The following CDH18 variants were observed in gnomAD, a reference collection of about 807,000 sequenced individuals.
CDH18 encodes cadherin-18.
A neutral mutation model predicts 67.9 loss-of-function variants in CDH18; 31 were observed. That is an observed-to-expected ratio of 0.46 (90% CI 0.34 to 0.62). The LOEUF (loss-of-function observed/expected upper bound fraction) is 0.62, where lower values mean the gene tolerates loss of function less well. Ranked by LOEUF, CDH18 falls within the 20% of genes least tolerant of loss-of-function variation. The pLI is 0.01. For missense variants in CDH18, 890 were observed against 975.5 expected (o/e 0.91, Z 1.17); for synonymous variants, 362 against 347.2 (o/e 1.04, Z -0.48).
intron 2 of CDH18, among the ~76,000 whole-genome samples, chr5:20,216,175 A>C (rs931438656): frequency 1.3e-5 from 2 of 151,968 alleles, no homozygotes; most frequent in Admixed American, 6.6e-5. Flanking sequence ...ATAAATGATC[A>C]AAGATCATTA....
intron 5 of CDH18, among the ~76,000 whole-genome samples, chr5:19,714,799 A>G (rs1359577026): frequency 6.6e-6 from 1 of 152,004 alleles, no homozygotes; most frequent in Non-Finnish European, 1.5e-5. Flanking sequence ...TTGTCATTAT[A>G]CTTTATTTTG....
chr5:19,667,415 A>T (rs1758112116), intron 5 of CDH18, among the ~76,000 whole-genome samples: 1 of 150,600 alleles, frequency 6.6e-6, no homozygotes, highest in Non-Finnish European at 1.5e-5. Context: ...TTCTCCTTAA[A>T]ACTATAAAAA....
At chr5:20,135,480 T>C (rs1749627041) in intron 2 of CDH18, among the ~76,000 whole-genome samples, 1 of 152,184 alleles carries the variant, frequency 6.6e-6, no homozygotes, top group Non-Finnish European at 1.5e-5. Context: ...TTCTTCTCCT[T>C]TTTCTTCTTT....
rs114575811 is a variant in CDH18 at position 20,561,367 on chromosome 5, T to C, written c.-580+14095A>G. 9.3e-3 allele frequency among the ~76,000 whole-genome samples: 1,416 copies of C among 152,178 alleles called. 21 individuals are homozygous for C. Among genetic ancestry groups the C allele is most frequent in the African/African-American group, 0.032 (1,326 of 41,530 alleles). On this transcript the variant is annotated intron_variant, in intron 1 of 14. Transcript: ENST00000507958. ...TGTAAGTAAGCAAGATATCCTTCAA[T>C]AATTGAGTGGAAAAATAAGTTGTGC...
chr5:20,172,945 G>A (rs574203867), intron 2 of CDH18, among the ~76,000 whole-genome samples: 18 of 150,572 alleles, frequency 1.2e-4, no homozygotes, highest in African/African-American at 4.2e-4. Context: ...AGCCGAGATC[G>A]CACCATTTCA....
chr5:19,632,871 C>T (rs1752607208), intron 5 of CDH18, among the ~76,000 whole-genome samples: 1 of 152,116 alleles, frequency 6.6e-6, no homozygotes, highest in Non-Finnish European at 1.5e-5. Flanking sequence ...GCTTCCTCTT[C>T]CACTGAAGCA....
chr5:20,056,040 C>T (rs893736763), intron 2 of CDH18, among the ~76,000 whole-genome samples: 3 of 128,782 alleles, frequency 2.3e-5, no homozygotes, highest in African/African-American at 6.0e-5. Context: ...AGTCTCACTC[C>T]GTTACCCAGG....
chr5:19,889,735 A>G (rs1788586675), intron 2 of CDH18, among the ~76,000 whole-genome samples: 1 of 152,154 alleles, frequency 6.6e-6, no homozygotes, highest in Non-Finnish European at 1.5e-5. Flanking sequence ...AATTTATATT[A>G]ATTTTTAAAA....
At chr5:20,290,565 A>G (rs1747029680) in intron 1 of CDH18, among the ~76,000 whole-genome samples, 1 of 152,176 alleles carries the variant, frequency 6.6e-6, no homozygotes, top group Non-Finnish European at 1.5e-5. Flanking sequence ...AAATTAAAAT[A>G]CTTCAAACCT....
intron 1 of CDH18, among the ~76,000 whole-genome samples, chr5:20,443,549 T>C (rs1026975839): frequency 5.3e-5 from 8 of 151,886 alleles, no homozygotes; most frequent in Non-Finnish European, 8.8e-5. Flanking sequence ...GCCAGATACC[T>C]ATCCCGTATT....
intron 5 of CDH18, among the ~76,000 whole-genome samples, chr5:19,641,314 A>T (rs577963162): frequency 1.2e-3 from 184 of 152,154 alleles, no homozygotes; most frequent in African/African-American, 4.3e-3. Context: ...TAACAGAAGA[A>T]ATAGGAACAC....
Position 20,295,152 on chromosome 5 carries a change from T to C in CDH18, c.-579-39647A>G, listed in dbSNP as rs116354663. On this transcript the variant is annotated intron_variant, in intron 1 of 14. Transcript: ENST00000507958. ...TATACACTGAAATGTACTTTGAACATTGTATGTAATTATCTTAGAACATCA... is the reference window on the plus strand; with the variant it reads ...TATACACTGAAATGTACTTTGAACACTGTATGTAATTATCTTAGAACATCA... Among the ~76,000 whole-genome samples, 1,450 of 152,308 alleles carry C rather than the reference T, an allele frequency of 9.5e-3. 25 individuals carry two copies. The highest frequency in any genetic ancestry group is 0.032 in the African/African-American group (1,349 of 41,576).
intron 3 of CDH18, among the ~76,000 whole-genome samples, chr5:19,747,900 A>T (rs1770246744): frequency 1.3e-5 from 2 of 151,458 alleles, no homozygotes; most frequent in Admixed American, 1.3e-4. Context: ...CGAGGTCAGC[A>T]GATCGAGACC....
chr5:19,656,151 T>C (rs1756358439), intron 5 of CDH18, among the ~76,000 whole-genome samples: 1 of 152,044 alleles, frequency 6.6e-6, no homozygotes, highest in African/African-American at 2.4e-5. Context: ...AATTTACTTC[T>C]GAGTAACTTA....
intron 1 of CDH18, among the ~76,000 whole-genome samples, chr5:20,301,353 C>T (rs145422522): frequency 2.4e-4 from 37 of 152,148 alleles, no homozygotes; most frequent in Middle Eastern, 6.8e-3. Flanking sequence ...AAAAGCAAAC[C>T]ATTTATCCAT....
intron 2 of CDH18, among the ~76,000 whole-genome samples, chr5:20,164,465 T>C (rs1038475643): frequency 2.6e-5 from 4 of 152,096 alleles, no homozygotes; most frequent in Admixed American, 6.5e-5. Context: ...TGTTTTTGTA[T>C]TTTTAGTAGA....
chr5:20,359,109 T>G (rs1028570231), intron 1 of CDH18, among the ~76,000 whole-genome samples: 5 of 151,998 alleles, frequency 3.3e-5, no homozygotes, highest in Admixed American at 6.6e-5. Context: ...TTTTGTATTT[T>G]TAGTAGAGAA....
intron 8 of CDH18, among the ~76,000 whole-genome samples, chr5:19,551,248 C>T (rs1431514323): frequency 6.6e-6 from 1 of 152,156 alleles, no homozygotes; most frequent in African/African-American, 2.4e-5. Context: ...GTAGTAACCT[C>T]TTTGAAGACA....
chr5:20,439,435 T>C (rs771374696), intron 1 of CDH18, among the ~76,000 whole-genome samples: 2 of 147,244 alleles, frequency 1.4e-5, no homozygotes, highest in Admixed American at 6.7e-5. Flanking sequence ...CCACAGGACT[T>C]AGATACACAA....
Sources: gnomAD v4.1 joint callset for allele counts (sites outside exome capture counted in the v4.1 genomes callset) on GRCh38, gnomAD v4.1.1 for gene constraint, MANE v1.5 for transcripts, NCBI Gene and HGNC (gene_info 2026-07-23, HGNC 2026-07-21) for gene names.